The following USO1 variants were observed in gnomAD, a reference collection of about 807,000 sequenced individuals.
The protein encoded by USO1 is general vesicular transport factor p115.
A neutral mutation model predicts 124.5 loss-of-function variants in USO1; 57 were observed. The observed-to-expected ratio is 0.46, with a 90% CI of 0.37 to 0.57. USO1 has a LOEUF of 0.57. USO1 is among the 20% of genes least tolerant of loss of function. The probability of loss-of-function intolerance (pLI) is 0.00; values close to 1 mark genes in which losing one functional copy is unlikely to be tolerated. For missense variants in USO1, 900 were observed against 1,040.6 expected (o/e 0.86, Z 1.86); for synonymous variants, 369 against 362.8 (o/e 1.02, Z -0.19).
chr4:75,799,466 T>C (rs1722779617), intron 13 of USO1, among the ~76,000 whole-genome samples, 156 bp from the exon 14 acceptor site: 1 of 152,174 alleles, frequency 6.6e-6, no homozygotes, highest in African/African-American at 2.4e-5. Flanking sequence ...ATACAATAAT[T>C]TATTCTCTTG....
chr4:75,801,632 C>T (rs1326898824), intron 17 of USO1, among the ~76,000 whole-genome samples: 1 of 152,118 alleles, frequency 6.6e-6, no homozygotes, highest in Non-Finnish European at 1.5e-5. Context: ...ATTCCAGTGT[C>T]ATAAAAAAAT....
chr4:75,742,985 CT>C lies in USO1; in HGVS notation c.67-9371del, dbSNP rs201882306. Among the ~76,000 whole-genome samples, 1,086 of 139,682 alleles carry C rather than the reference CT, an allele frequency of 7.8e-3. 8 individuals are homozygous for C. Among genetic ancestry groups the C allele is most frequent in the African/African-American group, 0.021 (806 of 37,868 alleles). 91.6% of individuals were successfully genotyped at this position (139,682 alleles called of 152,430 possible). A position where few individuals can be genotyped will look rare whatever the true frequency, so the allele number is the denominator to read the frequency against. On this transcript the variant is annotated intron_variant, in intron 1 of 23. Transcript: ENST00000514213. ...CATCTGGGAAAGTGAATAAGCATAT[CT>C]TTTTTTTTTTTTTTTTGAGACAGAG...
chr4:75,724,873 A>G lies in USO1; in HGVS notation c.54A>G (p.Thr18=). 7 of 1,613,480 alleles carry G rather than the reference A, an allele frequency of 4.3e-6. No homozygotes were observed. Among genetic ancestry groups the G allele is most frequent in the Non-Finnish European group, 5.1e-6 (6 of 1,179,622 alleles). The change falls in exon 1 of 24, where the codon ACA becomes ACG. Residue 18 remains threonine (T), a synonymous_variant. Coordinates refer to ENST00000514213, the MANE Select transcript of USO1 (RefSeq NM_003715.4). ...GTCAGAGTGCCGGACCCCAGCACAC[A>G]GAAGCCGAGACGGTGAGAGGAGCAG... ...MGGQSAGPQH[T]EAETIQKLCD... is the part of the protein sequence containing the mutation.
At chr4:75,800,555 A>G in intron 15 of USO1, 63 bp from the exon 16 acceptor site, 2 of 1,522,586 alleles carry the variant, frequency 1.3e-6, no homozygotes, top group Non-Finnish European at 1.8e-6. Context: ...ATGTAGACCA[A>G]GCTTTTATGT....
At chr4:75,747,431 C>T (rs1173142107) in intron 1 of USO1, among the ~76,000 whole-genome samples, 1 of 151,954 alleles carries the variant, frequency 6.6e-6, no homozygotes, top group African/African-American at 2.4e-5. Context: ...CATACCACCA[C>T]GCCCACTTAA....
intron 23 of USO1, among the ~76,000 whole-genome samples, 179 bp downstream of exon 23, chr4:75,812,554 G>T (rs1723179485): frequency 6.6e-6 from 1 of 152,182 alleles, no homozygotes; most frequent in Non-Finnish European, 1.5e-5. Flanking sequence ...TTAATACACA[G>T]ATTAGGTTCA....
intron 1 of USO1, chr4:75,745,213 T>TAC (rs1491181211): frequency 3.7e-6 from 1 of 273,618 alleles, no homozygotes; most frequent in African/African-American, 2.3e-5. Context: ...CTTTCTTTTT[T>TAC]ATATATATAT....
intron 4 of USO1, among the ~76,000 whole-genome samples, chr4:75,766,996 A>G (rs1721784078): frequency 6.6e-6 from 1 of 152,152 alleles, no homozygotes; most frequent in South Asian, 2.1e-4. Context: ...GATTCTACCT[A>G]TCATTAGTAT....
intron 1 of USO1, among the ~76,000 whole-genome samples, chr4:75,735,619 C>T (rs1262965021): frequency 6.6e-6 from 1 of 152,164 alleles, no homozygotes; most frequent in Non-Finnish European, 1.5e-5. Context: ...CTCCTATACT[C>T]AAGCAACCTT....
chr4:75,731,783 G>A (rs1720639732), intron 1 of USO1, among the ~76,000 whole-genome samples: 2 of 152,006 alleles, frequency 1.3e-5, no homozygotes, highest in African/African-American at 4.8e-5. Context: ...ATGATTGATT[G>A]ATTAGAGTTA....
intron 1 of USO1, among the ~76,000 whole-genome samples, chr4:75,748,211 CT>C (rs71208096): frequency 3.2e-3 from 403 of 124,118 alleles, no homozygotes; most frequent in South Asian, 3.7e-3. Context: ...GCTGGTATTT[CT>C]TTTTTTTTTT....
chr4:75,764,665 C>T (rs1378084922), intron 4 of USO1, among the ~76,000 whole-genome samples: 1 of 151,928 alleles, frequency 6.6e-6, no homozygotes, highest in Non-Finnish European at 1.5e-5. Flanking sequence ...AATGTTTTCC[C>T]AAATGTCAAT....
Position 75,806,487 on chromosome 4 carries a change from A to G in USO1, c.2291A>G (p.Lys764Arg). The G allele has an allele frequency of 6.4e-7, 1 of 1,556,308 alleles. No individual in the cohort carries two copies. Among genetic ancestry groups the G allele is most frequent in the Non-Finnish European group, 8.7e-7 (1 of 1,149,108 alleles). Residue 764 changes from lysine (K) to arginine (R), a missense_variant and splice_region_variant, in exon 20 of 24, where the codon AAA becomes AGA. Transcript: ENST00000514213. ...TEKDSMIENM[K>R]SSQTSGTNEQ... ...AGTTTATTTTTGTGCTATTTGCAGA[A>G]ATCTTCCCAAACATCTGGCACAAAT... is the stretch of plus-strand genomic sequence containing the variant.
At chr4:75,782,462 A>T (rs1205058816) in intron 8 of USO1, among the ~76,000 whole-genome samples, 3 of 152,216 alleles carry the variant, frequency 2.0e-5, no homozygotes, top group African/African-American at 7.2e-5. Context: ...TACTAAGGCG[A>T]TTGGTTACTT....
chr4:75,792,110 TATACTTA>T (rs1423679606), intron 12 of USO1, among the ~76,000 whole-genome samples: 1 of 152,070 alleles, frequency 6.6e-6, no homozygotes, highest in East Asian at 1.9e-4. Flanking sequence ...TTTTGAAATG[TATACTTA>T]AGCCAGGCGT....
intron 7 of USO1, among the ~76,000 whole-genome samples, chr4:75,772,948 A>C (rs1721973004): frequency 6.6e-6 from 1 of 152,088 alleles, no homozygotes; most frequent in Admixed American, 6.5e-5. Context: ...AATACAAAAA[A>C]TTAACTGGGT....
chr4:75,788,709 A>ATT (rs1413484458), intron 10 of USO1, among the ~76,000 whole-genome samples: 1 of 151,284 alleles, frequency 6.6e-6, no homozygotes, highest in Non-Finnish European at 1.5e-5. Context: ...TGCCCAGCTA[A>ATT]TTTTTTGTAT....
At chr4:75,759,567 C>T (rs913956716) in intron 4 of USO1, among the ~76,000 whole-genome samples, 1 of 147,990 alleles carries the variant, frequency 6.8e-6, no homozygotes, top group African/African-American at 2.5e-5. Flanking sequence ...GCACTTCAGC[C>T]TGGGCACCAG....
In USO1 at chr4:75,729,902, T is replaced by C. The variant is rs1462093177; in HGVS notation, c.66+5017T>C. The C allele has an allele frequency of 3.0e-5, 12 of 393,760 alleles. No individual in the cohort carries two copies. In the East Asian group the frequency reaches 6.3e-4, roughly 21 times the overall value. 24.4% of individuals were successfully genotyped at this position (393,760 alleles called of 1,614,324 possible). On this transcript the variant is annotated intron_variant, in intron 1 of 23. Transcript: ENST00000514213. ...TATTTTCTTTTAATAAAAATTGTTATTAAAGAGTGTGGACTTAAATTTAGA... is the reference window on the plus strand; with the variant it reads ...TATTTTCTTTTAATAAAAATTGTTACTAAAGAGTGTGGACTTAAATTTAGA...
Sources: allele counts gnomAD v4.1 joint callset (sites outside exome capture counted in the v4.1 genomes callset), GRCh38; gene constraint gnomAD v4.1.1; transcripts MANE v1.5; gene names NCBI Gene and HGNC (gene_info 2026-07-23, HGNC 2026-07-21).